The following USP24 variants were observed in gnomAD, a reference collection of about 807,000 sequenced individuals.
USP24 encodes the protein ubiquitin specific peptidase 24, also known as ubiquitin carboxyl-terminal hydrolase 24.
Under a neutral mutation model 361.6 loss-of-function variants are expected in USP24, and 97 were observed. The ratio of observed to expected loss-of-function variants is 0.27; its 90% CI spans 0.23 to 0.32. The LOEUF (loss-of-function observed/expected upper bound fraction) is 0.32, where lower values mean the gene tolerates loss of function less well. Ranked by LOEUF, USP24 falls within the 10% of genes least tolerant of loss-of-function variation. The pLI is 1.00. For synonymous variants in USP24, 1,098 were observed against 1,124.6 expected, an observed-to-expected ratio of 0.98 and a Z score of 0.47; for missense variants, 2,353 against 3,165.6, an observed-to-expected ratio of 0.74 and a Z score of 6.16.
chr1:55,192,744 T>A (rs1433994722), intron 1 of USP24, among the ~76,000 whole-genome samples: 1 of 152,202 alleles, frequency 6.6e-6, no homozygotes, highest in South Asian at 2.1e-4. Flanking sequence ...AGAAAATAAT[T>A]CCTAAAATAT....
intron 1 of USP24, among the ~76,000 whole-genome samples, chr1:55,191,103 C>T (rs932078438): frequency 3.3e-5 from 5 of 152,048 alleles, no homozygotes; most frequent in African/African-American, 1.2e-4. Flanking sequence ...AATGAGCTTG[C>T]CAACAATTAT....
In USP24 at chr1:55,113,132, C is replaced by T. The variant is rs141853621; in HGVS notation, c.4509-2886G>A. Among the ~76,000 whole-genome samples, 822 of 151,322 alleles carry T rather than the reference C, an allele frequency of 5.4e-3. 1 individual carries two copies. The highest frequency in any genetic ancestry group is 7.5e-3 in the Non-Finnish European group (507 of 67,890). ...CATTTGCTTGGGAAAAATTCCTAGA[C>T]GGCTAGCCAGATTAATAAAGAAGAA... On this transcript the variant is annotated intron_variant, in intron 38 of 67. Coordinates refer to ENST00000294383, the MANE Select transcript of USP24 (RefSeq NM_015306.3).
At chr1:55,116,204 G>C (rs1003523807) in intron 38 of USP24, among the ~76,000 whole-genome samples, 1 of 151,920 alleles carries the variant, frequency 6.6e-6, no homozygotes, top group African/African-American at 2.4e-5. Context: ...TTAAAAACAA[G>C]AAAAGGATTC....
At chr1:55,202,390 T>C (rs774139211) in intron 1 of USP24, among the ~76,000 whole-genome samples, 1 of 151,928 alleles carries the variant, frequency 6.6e-6, no homozygotes, top group Non-Finnish European at 1.5e-5. Context: ...TCAAGCGATT[T>C]GTATACCGAC....
intron 62 of USP24, among the ~76,000 whole-genome samples, 179 bp downstream of exon 62, chr1:55,077,056 A>G (rs1194258652): frequency 6.6e-6 from 1 of 152,176 alleles, no homozygotes; most frequent in East Asian, 1.9e-4. Context: ...AGGTAGTTTT[A>G]TTACTGCTCG....
chr1:55,121,364 C>G (rs962073609), intron 37 of USP24, 72 bp downstream of exon 37: 9 of 1,379,338 alleles, frequency 6.5e-6, no homozygotes, highest in African/African-American at 1.4e-5. Flanking sequence ...CCGACAATGT[C>G]ACAGGTAGTT....
rs1229325266 is a variant in USP24, at chr1:55,215,130, C to T, written c.-17G>A. The T allele has an allele frequency of 1.4e-5, 17 of 1,242,886 alleles. No homozygotes were observed. The highest frequency in any genetic ancestry group is 7.5e-5 in the Admixed American group (2 of 26,722). 77.0% of individuals were successfully genotyped at this position (1,242,886 alleles called of 1,614,324 possible). A position where few individuals can be genotyped will look rare whatever the true frequency, so the allele number is the denominator to read the frequency against. ...CGATTCCATGGCTTGGGCCTCCTGG[C>T]CGCCCCGGCCAGCGCACGGCGAAGC... is the stretch of plus-strand genomic sequence containing the variant. On this transcript the variant is annotated 5_prime_UTR_variant, in exon 1 of 68. Coordinates refer to ENST00000294383, the MANE Select transcript of USP24 (RefSeq NM_015306.3).
At chr1:55,111,852 C>T (rs1371620753) in intron 38 of USP24, among the ~76,000 whole-genome samples, 1 of 151,938 alleles carries the variant, frequency 6.6e-6, no homozygotes, top group Non-Finnish European at 1.5e-5. Flanking sequence ...TTAAATGTTT[C>T]AAAATAATAT....
At chr1:55,139,073 T>C in intron 24 of USP24, 63 bp from the exon 25 acceptor site, 2 of 1,436,396 alleles carry the variant, frequency 1.4e-6, no homozygotes, top group South Asian at 2.5e-5. Flanking sequence ...AGCTCAGTTC[T>C]AGTCTGTTTC....
intron 54 of USP24, among the ~76,000 whole-genome samples, chr1:55,091,192 T>C (rs148932622): frequency 1.4e-3 from 153 of 106,258 alleles, no homozygotes; most frequent in Non-Finnish European, 2.6e-3. Context: ...AGTACCGGCC[T>C]GGGACCCGTT....
At chr1:55,210,582 A>G (rs1644824867) in intron 1 of USP24, among the ~76,000 whole-genome samples, 1 of 152,196 alleles carries the variant, frequency 6.6e-6, no homozygotes, top group Non-Finnish European at 1.5e-5. Flanking sequence ...ATCCATTTAT[A>G]ATTACCACTT....
In USP24 at chr1:55,125,773, A is replaced by G. The variant is rs1430116870; in HGVS notation, c.3636-15T>C. On this transcript the variant is annotated splice_polypyrimidine_tract_variant and intron_variant, in intron 32 of 67. Coordinates refer to ENST00000294383, the MANE Select transcript of USP24 (RefSeq NM_015306.3). ...TTACAACCAAACTTCAAAAAGAAGA[A>G]AAAAAGGCAGGATATTAAAGACTTC... 6.4e-7 allele frequency: 1 copy of G among 1,552,818 alleles called. No individual in the cohort carries two copies. Among genetic ancestry groups the G allele is most frequent in the Non-Finnish European group, 8.7e-7 (1 of 1,147,342 alleles).
At position 55,123,854 on chromosome 1, in the gene USP24, C is replaced by T. The variant is rs539353442; in HGVS notation, c.4121-252G>A. Among the ~76,000 whole-genome samples the T allele has an allele frequency of 1.2e-3, 180 of 152,256 alleles. 1 individual carries two copies. The highest frequency in any genetic ancestry group is 4.2e-3 in the African/African-American group (173 of 41,550). On this transcript the variant is annotated intron_variant, in intron 35 of 67. Transcript: ENST00000294383. The stretch of plus-strand genomic sequence containing the variant: ...TTTCAGGCGATAGAAGTGAAAATAG[C>T]GCAATTTTGTGGGCATGAGGGAGCC...
At chr1:55,125,299 T>C (rs1290437633) in intron 34 of USP24, 21 bp downstream of exon 34, 3 of 1,607,544 alleles carry the variant, frequency 1.9e-6, no homozygotes, top group East Asian at 4.5e-5. Context: ...CTAAAATGTC[T>C]TGAATACACA....
In USP24 at chr1:55,166,564, A is replaced by C. The variant is rs1648887905; in HGVS notation, c.861+4T>G. ...ACATGACAATATTAACAAAAGTCATATACCTTATTTACCAAATCCACAACC... is the reference window on the plus strand; with the variant it reads ...ACATGACAATATTAACAAAAGTCATCTACCTTATTTACCAAATCCACAACC... On this transcript the variant is annotated splice_donor_region_variant and intron_variant, in intron 6 of 67. Transcript: ENST00000294383. 8.2e-6 allele frequency: 13 copies of C among 1,588,742 alleles called. No individual in the cohort carries two copies. The East Asian group carries it at 2.7e-4, about 33-fold the overall frequency.
intron 41 of USP24, among the ~76,000 whole-genome samples, chr1:55,104,458 G>A (rs658694): frequency 0.87 from 131,706 of 152,186 alleles, 57,065 homozygotes; most frequent in East Asian, 1. Flanking sequence ...ATTTTATGTG[G>A]ACTTTCTATG....
In USP24 at chr1:55,123,546, A is replaced by G; in HGVS notation, c.4177T>C (p.Cys1393Arg). Reference sequence around the variant, plus strand: ...GTGGATACAGACTGTTGTCGAACACAGATTCCCGCATGCAGGGCTACTGGT... The same window carrying G: ...GTGGATACAGACTGTTGTCGAACACGGATTCCCGCATGCAGGGCTACTGGT... ...GEPVALHAGI[C>R]VRQQSVSTKD... is the part of the protein sequence containing the mutation. Residue 1393 changes from cysteine to arginine, a missense_variant, in exon 36 of 68, where the codon TGT becomes CGT. This residue lies in a region of USP24 where 949 missense variants were observed against 1,280.5 expected (regional missense o/e 0.74). Transcript: ENST00000294383. The G allele has an allele frequency of 6.2e-7, 1 of 1,601,796 alleles. No homozygotes were observed. Among genetic ancestry groups the G allele is most frequent in the Non-Finnish European group, 8.5e-7 (1 of 1,174,036 alleles).
intron 56 of USP24, among the ~76,000 whole-genome samples, 183 bp from the exon 57 acceptor site, chr1:55,084,071 G>T (rs1645203350): frequency 6.6e-6 from 1 of 152,162 alleles, no homozygotes; most frequent in Non-Finnish European, 1.5e-5. Context: ...ACCTTCCAGA[G>T]AAAGATTGGT....
chr1:55,077,125 C>G (rs977995763), intron 62 of USP24, 110 bp downstream of exon 62: 9 of 1,060,662 alleles, frequency 8.5e-6, no homozygotes, highest in Non-Finnish European at 1.1e-5. Flanking sequence ...TCAATAAATG[C>G]AGACCAAATG....
Sources: allele counts gnomAD v4.1 joint callset (sites outside exome capture counted in the v4.1 genomes callset), GRCh38; gene constraint gnomAD v4.1.1; regional missense constraint gnomAD v4.1.1; transcripts MANE v1.5; gene names NCBI Gene and HGNC (gene_info 2026-07-23, HGNC 2026-07-21).